The following LSAMP variants were observed in gnomAD, a reference collection of about 807,000 sequenced individuals.
LSAMP encodes limbic system-associated membrane protein.
Under a neutral mutation model 38.6 loss-of-function variants are expected in LSAMP, and 7 were observed. The observed-to-expected ratio is 0.18, with a 90% confidence interval of 0.10 to 0.34. LSAMP has a LOEUF of 0.34. LSAMP is among the 10% of genes least tolerant of loss of function. The pLI is 1.00. For missense variants in LSAMP, 313 were observed against 420.0 expected (o/e 0.75, Z 2.23); for synonymous variants, 154 against 166.8 (o/e 0.92, Z 0.59).
At chr3:116,442,430 G>C (rs2049447936) in intron 1 of LSAMP, among the ~76,000 whole-genome samples, 1 of 152,028 alleles carries the variant, frequency 6.6e-6, no homozygotes, top group Admixed American at 6.5e-5. Context: ...GAAAGCTCAT[G>C]CACCCAGTAA....
At chr3:115,864,350 G>C (rs1935798045) in intron 3 of LSAMP, among the ~76,000 whole-genome samples, 1 of 152,144 alleles carries the variant, frequency 6.6e-6, no homozygotes, top group African/African-American at 2.4e-5. Flanking sequence ...TTATAAACTT[G>C]ACCCATCATT....
intron 1 of LSAMP, among the ~76,000 whole-genome samples, chr3:116,209,224 T>G (rs562052115): frequency 5.5e-4 from 84 of 152,242 alleles, no homozygotes; most frequent in African/African-American, 2.0e-3. Flanking sequence ...CCCTTGCACT[T>G]CCCAAGTGAG....
intron 1 of LSAMP, among the ~76,000 whole-genome samples, chr3:116,219,730 A>T (rs62269254): frequency 0.094 from 14,269 of 152,242 alleles, 956 homozygotes; most frequent in African/African-American, 0.19. Context: ...TGATAAGGGG[A>T]TAATATCCAA....
intron 1 of LSAMP, among the ~76,000 whole-genome samples, chr3:116,346,904 G>A (rs2048070443): frequency 1.3e-5 from 2 of 152,126 alleles, no homozygotes; most frequent in South Asian, 4.1e-4. Flanking sequence ...TTATCCGCCA[G>A]AGTAAGATTA....
At chr3:116,322,557 T>C (rs1037667182) in intron 1 of LSAMP, among the ~76,000 whole-genome samples, 3 of 152,210 alleles carry the variant, frequency 2.0e-5, no homozygotes, top group Non-Finnish European at 4.4e-5. Flanking sequence ...TTATGTTATA[T>C]GTGGAAGCAT....
intron 3 of LSAMP, among the ~76,000 whole-genome samples, chr3:115,855,708 C>A (rs968615051): frequency 6.6e-6 from 1 of 152,182 alleles, no homozygotes; most frequent in African/African-American, 2.4e-5. Flanking sequence ...TGTGTCCGTC[C>A]TCATGAGAGC....
chr3:115,812,121 G>A (rs1321669540), intron 6 of LSAMP, among the ~76,000 whole-genome samples: 1 of 152,164 alleles, frequency 6.6e-6, no homozygotes, highest in Non-Finnish European at 1.5e-5. Flanking sequence ...TTTTTGATAG[G>A]AGAGTTTTGG....
In LSAMP at chr3:116,146,173, A is replaced by G. The variant is rs190649661; in HGVS notation, c.156-59617T>C. On this transcript the variant is annotated intron_variant, in intron 1 of 6. Transcript: ENST00000490035. ...TTTTAAAGTTCTAGCTTTATTCAGT[A>G]GTGACTCTTCCTGCTTTCTGATCTG... Among the ~76,000 whole-genome samples, 799 of 151,936 alleles carry G rather than the reference A, an allele frequency of 5.3e-3. 3 individuals are homozygous for G. Among genetic ancestry groups the G allele is most frequent in the Non-Finnish European group, 8.7e-3 (592 of 67,868 alleles).
At chr3:116,182,749 G>T (rs978954244) in intron 1 of LSAMP, among the ~76,000 whole-genome samples, 1 of 151,814 alleles carries the variant, frequency 6.6e-6, no homozygotes, top group Non-Finnish European at 1.5e-5. Flanking sequence ...CAGACCTACA[G>T]AATCTGAATT....
At chr3:116,152,707 A>G (rs545322008) in intron 1 of LSAMP, among the ~76,000 whole-genome samples, 3 of 152,074 alleles carry the variant, frequency 2.0e-5, no homozygotes. Flanking sequence ...ATTGAAATGA[A>G]AGAAGATCAT....
intron 1 of LSAMP, among the ~76,000 whole-genome samples, chr3:116,191,247 A>T (rs1710748178): frequency 6.6e-6 from 1 of 152,096 alleles, no homozygotes; most frequent in African/African-American, 2.4e-5. Context: ...AACAAACAAA[A>T]CGAATGCAAA....
Position 116,411,665 on chromosome 3 carries a change from C to T in LSAMP, c.155+33212G>A, listed in dbSNP as rs558797356. Among the ~76,000 whole-genome samples, 40 of 147,634 alleles carry T rather than the reference C, an allele frequency of 2.7e-4. 1 individual carries two copies. The highest frequency in any genetic ancestry group is 3.4e-3 in the Middle Eastern group (1 of 292). ...GGGGGAGGGATAGCATTAGGAGATACACCTAATGCTAAATGACGAGTTAAT... is the reference window on the plus strand; with the variant it reads ...GGGGGAGGGATAGCATTAGGAGATATACCTAATGCTAAATGACGAGTTAAT... On this transcript the variant is annotated intron_variant, in intron 1 of 6. Transcript: ENST00000490035.
At chr3:116,414,968 A>G (rs1274811351) in intron 1 of LSAMP, among the ~76,000 whole-genome samples, 1 of 152,058 alleles carries the variant, frequency 6.6e-6, no homozygotes, top group Non-Finnish European at 1.5e-5. Flanking sequence ...TTCTCCAGGC[A>G]AGTGGCTGAC....
chr3:116,290,410 C>A (rs912119404), intron 1 of LSAMP, among the ~76,000 whole-genome samples: 1 of 152,024 alleles, frequency 6.6e-6, no homozygotes, highest in African/African-American at 2.4e-5. Flanking sequence ...CCATCTTCCC[C>A]ACTACATATG....
intron 3 of LSAMP, among the ~76,000 whole-genome samples, chr3:115,873,937 T>C (rs1936114649): frequency 1.3e-5 from 2 of 152,184 alleles, no homozygotes; most frequent in Admixed American, 1.3e-4. Context: ...CAGTCTATGA[T>C]GGTGCATTTC....
intron 2 of LSAMP, among the ~76,000 whole-genome samples, chr3:116,045,341 A>G (rs570058560): frequency 6.6e-6 from 1 of 152,276 alleles, no homozygotes; most frequent in South Asian, 2.1e-4. Context: ...TTTCCTCAAC[A>G]TAAAAGTTTA....
At chr3:116,219,002 G>A (rs1471115738) in intron 1 of LSAMP, among the ~76,000 whole-genome samples, 2 of 152,136 alleles carry the variant, frequency 1.3e-5, no homozygotes, top group Non-Finnish European at 2.9e-5. Context: ...AATTTTAAGT[G>A]TACATTATTG....
chr3:115,921,888 G>T (rs1187282476), intron 3 of LSAMP, among the ~76,000 whole-genome samples: 3 of 151,946 alleles, frequency 2.0e-5, no homozygotes, highest in Middle Eastern at 3.2e-3. Context: ...CACTCTTCTA[G>T]CTTGCAAGGT....
At chr3:116,055,546 C>G (rs34844901) in intron 2 of LSAMP, among the ~76,000 whole-genome samples, 2 of 151,092 alleles carry the variant, frequency 1.3e-5, no homozygotes, top group Non-Finnish European at 2.9e-5. Flanking sequence ...AAGACACTGC[C>G]CTGCCTCACA....
Sources: gnomAD v4.1 joint callset for allele counts (sites outside exome capture counted in the v4.1 genomes callset) on GRCh38, gnomAD v4.1.1 for gene constraint, MANE v1.5 for transcripts, NCBI Gene and HGNC (gene_info 2026-07-23, HGNC 2026-07-21) for gene names.